RALGPS1: variants seen among roughly 807,000 people sequenced by gnomAD.
The protein encoded by RALGPS1 is Ral GEF with PH domain and SH3 binding motif 1.
A neutral mutation model predicts 78.8 loss-of-function variants in RALGPS1; 19 were observed. That is an observed-to-expected ratio of 0.24 (90% CI 0.17 to 0.35). The LOEUF (loss-of-function observed/expected upper bound fraction) is 0.35. Ranked by LOEUF, RALGPS1 falls within the 10% of genes least tolerant of loss-of-function variation. The pLI, the probability that RALGPS1 is intolerant of heterozygous loss-of-function variation, is 1.00. For missense variants in RALGPS1, 454 were observed against 688.3 expected (o/e 0.66, Z 3.81); for synonymous variants, 228 against 256.3 (o/e 0.89, Z 1.06).
At position 127,195,740 on chromosome 9, in the gene RALGPS1, G is replaced by A. The variant is rs146370874; in HGVS notation, c.1037+523G>A. 7.2e-5 allele frequency among the ~76,000 whole-genome samples: 11 copies of A among 152,210 alleles called. No homozygotes were observed. In the East Asian group the frequency reaches 9.7e-4, roughly 13 times the overall value. Reference sequence around the variant, plus strand: ...TCCAGGGCATTAGGCACAGGCTTCCGAACAGATGAGTCCCTTCCTTCCTTC... The same window carrying A: ...TCCAGGGCATTAGGCACAGGCTTCCAAACAGATGAGTCCCTTCCTTCCTTC... On this transcript the variant is annotated intron_variant, in intron 12 of 18. Coordinates refer to ENST00000259351, the MANE Select transcript of RALGPS1 (RefSeq NM_014636.3).
chr9:127,069,026 G>A (rs983211380), intron 7 of RALGPS1, among the ~76,000 whole-genome samples: 18 of 152,252 alleles, frequency 1.2e-4, no homozygotes, highest in African/African-American at 4.3e-4. Flanking sequence ...ATTTGGTCCA[G>A]TGTCCAAGCC....
chr9:127,146,130 A>C (rs985563681), intron 8 of RALGPS1, among the ~76,000 whole-genome samples: 2 of 152,086 alleles, frequency 1.3e-5, no homozygotes, highest in South Asian at 4.2e-4. Context: ...GTTACACGGG[A>C]ATATTGCATG....
At chr9:126,947,947 C>T (rs1420844286) in intron 1 of RALGPS1, among the ~76,000 whole-genome samples, 1 of 152,056 alleles carries the variant, frequency 6.6e-6, no homozygotes, top group African/African-American at 2.4e-5. Flanking sequence ...GGTTTTTTTC[C>T]TTAACAGATG....
chr9:126,943,141 CCTTTTTTT>C (rs2036937764), intron 1 of RALGPS1, among the ~76,000 whole-genome samples: 1 of 151,930 alleles, frequency 6.6e-6, no homozygotes, highest in African/African-American at 2.4e-5. Context: ...CAGATTTTTT[CCTTTTTTT>C]CTTTTTTGAG....
chr9:126,922,991 G>T (rs913773818), intron 1 of RALGPS1, among the ~76,000 whole-genome samples: 1 of 152,176 alleles, frequency 6.6e-6, no homozygotes, highest in African/African-American at 2.4e-5. Context: ...GTCCCATCAG[G>T]TCATGGGCCG....
chr9:127,047,605 A>G (rs1439967210), intron 5 of RALGPS1, among the ~76,000 whole-genome samples: 3 of 151,892 alleles, frequency 2.0e-5, no homozygotes, highest in African/African-American at 4.8e-5. Flanking sequence ...AGGCTGAGGC[A>G]GGAGAATCGC....
At chr9:127,047,928 C>T (rs1006381886) in intron 5 of RALGPS1, among the ~76,000 whole-genome samples, 3 of 152,142 alleles carry the variant, frequency 2.0e-5, no homozygotes, top group Admixed American at 2.0e-4. Flanking sequence ...TATGCTGATT[C>T]TACCTTTGTA....
At chr9:127,145,051 T>C (rs992126623) in intron 8 of RALGPS1, among the ~76,000 whole-genome samples, 32 of 152,152 alleles carry the variant, frequency 2.1e-4, no homozygotes, top group African/African-American at 7.7e-4. Flanking sequence ...GAAGGTGATA[T>C]GTGAGTAAGG....
intron 7 of RALGPS1, among the ~76,000 whole-genome samples, chr9:127,054,346 G>A (rs2135441296): frequency 6.6e-6 from 1 of 152,308 alleles, no homozygotes; most frequent in South Asian, 2.1e-4. Context: ...TGAGGACCCA[G>A]CAGGATGATT....
intron 4 of RALGPS1, among the ~76,000 whole-genome samples, chr9:127,002,130 AAGTCATCAACTATGTACAAATGTAACC>A (rs773054611): frequency 3.3e-5 from 5 of 152,178 alleles, no homozygotes; most frequent in Non-Finnish European, 7.4e-5. Context: ...TGCCCCCTCC[AAGTCATCAACTATGTACAAATGTAACC>A]ATGATTCTAT....
chr9:127,059,154 G>A (rs1326809075), intron 7 of RALGPS1, among the ~76,000 whole-genome samples: 1 of 152,212 alleles, frequency 6.6e-6, no homozygotes, highest in Non-Finnish European at 1.5e-5. Flanking sequence ...GGAGTTCAAA[G>A]TCTTTCATCC....
At chr9:126,983,109 G>A (rs568528304) in intron 4 of RALGPS1, among the ~76,000 whole-genome samples, 6 of 151,398 alleles carry the variant, frequency 4.0e-5, no homozygotes, top group African/African-American at 1.5e-4. Flanking sequence ...GCTAATTATC[G>A]TAATTTTAGT....
At chr9:126,993,696 C>T (rs1198344645) in intron 4 of RALGPS1, among the ~76,000 whole-genome samples, 5 of 152,078 alleles carry the variant, frequency 3.3e-5, no homozygotes, top group African/African-American at 7.2e-5. Context: ...TCTCCCAGCA[C>T]GCAGCTTGAG....
chr9:127,115,826 G>A (rs1049440602), intron 8 of RALGPS1, among the ~76,000 whole-genome samples: 1 of 152,254 alleles, frequency 6.6e-6, no homozygotes, highest in African/African-American at 2.4e-5. Context: ...TCTGGGATGA[G>A]CAGTGACACC....
In RALGPS1 at chr9:127,221,201, T is replaced by G. The variant is rs1040646453; in HGVS notation, c.*2432T>G. On this transcript the variant is annotated 3_prime_UTR_variant, in exon 19 of 19. Transcript: ENST00000259351. ...CTTCCCAGTGTTGGTTTGAACCCTGTGAGCCTGAGACAGAGAGGGCCAGGC... is the reference window on the plus strand; with the variant it reads ...CTTCCCAGTGTTGGTTTGAACCCTGGGAGCCTGAGACAGAGAGGGCCAGGC... 1 of 152,174 alleles carries G rather than the reference T, an allele frequency of 6.6e-6. No individual in the cohort carries two copies. Among genetic ancestry groups the G allele is most frequent in the African/African-American group, 2.4e-5 (1 of 41,436 alleles). The allele number at this position is 152,174 out of a possible 1,614,324, so 9.4% of individuals were successfully genotyped here. A position where few individuals can be genotyped will look rare whatever the true frequency, so the allele number is the denominator to read the frequency against.
rs1437856830 is a variant in RALGPS1, at chr9:127,183,644, T to A, written c.910+8862T>A. Among the ~76,000 whole-genome samples, 1 of 151,738 alleles carries A rather than the reference T, an allele frequency of 6.6e-6. No homozygotes were observed. Among genetic ancestry groups the A allele is most frequent in the Admixed American group, 6.6e-5 (1 of 15,236 alleles). On this transcript the variant is annotated intron_variant, in intron 11 of 18. Transcript: ENST00000259351. This position sits in a 1 kb window ranked among gnomAD's most constrained non-coding sequence, Gnocchi z 4.0. Reference sequence around the variant, plus strand: ...GACATAGTTCAACCTCCGCAGGGGGTCTGTGGAGACTCCGCCTGACTATGT... The same window carrying A: ...GACATAGTTCAACCTCCGCAGGGGGACTGTGGAGACTCCGCCTGACTATGT...
intron 1 of RALGPS1, among the ~76,000 whole-genome samples, chr9:126,923,369 C>T (rs1301823051): frequency 6.6e-6 from 1 of 152,198 alleles, no homozygotes; most frequent in Non-Finnish European, 1.5e-5. Flanking sequence ...TGCCTGTTCT[C>T]ATGCTCCTGG....
At chr9:126,926,523 A>G (rs1168874442) in intron 1 of RALGPS1, among the ~76,000 whole-genome samples, 2 of 152,026 alleles carry the variant, frequency 1.3e-5, no homozygotes, top group African/African-American at 4.8e-5. Flanking sequence ...GGAGTGTGAG[A>G]TTTATGGTGG....
Position 127,212,064 on chromosome 9 carries a change from CAGTG to C in RALGPS1, c.1248-60_1248-57del. 7.7e-7 allele frequency: 1 copy of C among 1,297,756 alleles called. No individual in the cohort carries two copies. Among genetic ancestry groups the C allele is most frequent in the East Asian group, 2.4e-5 (1 of 41,992 alleles). The allele number at this position is 1,297,756 out of a possible 1,614,324, so 80.4% of individuals were successfully genotyped here. ...TTGGTAGTGGGGCACCTGTGGTCCC[CAGTG>C]AGTGAGAGGGTGCTTGACCTCAGCT... On this transcript the variant is annotated intron_variant, in intron 14 of 18. Coordinates refer to ENST00000259351, the MANE Select transcript of RALGPS1 (RefSeq NM_014636.3). This position sits in a 1 kb window ranked among gnomAD's most constrained non-coding sequence, Gnocchi z 6.0.
Sources: gnomAD v4.1 joint callset for allele counts (sites outside exome capture counted in the v4.1 genomes callset) on GRCh38, gnomAD v4.1.1 for gene constraint, Gnocchi (gnomAD v3.1) non-coding constraint, MANE v1.5 for transcripts, NCBI Gene and HGNC (gene_info 2026-07-23, HGNC 2026-07-21) for gene names.